Variants in SUGCT observed in about 807,000 individuals in gnomAD.
SUGCT encodes the protein succinyl-CoA:glutarate-CoA transferase.
In SUGCT, 41 loss-of-function variants were observed where a neutral mutation model predicts 55.0. That is an observed-to-expected ratio of 0.74 (90% CI 0.58 to 0.97). The LOEUF is 0.97. Ranked by LOEUF, SUGCT falls within the 50% of genes least tolerant of loss-of-function variation. SUGCT has a pLI of 0.00. For synonymous variants in SUGCT, 187 were observed against 200.4 expected (o/e 0.93, Z 0.56); for missense variants, 568 against 547.8 (o/e 1.04, Z -0.37).
At chr7:40,354,299 T>C (rs1797782528) in intron 9 of SUGCT, among the ~76,000 whole-genome samples, 1 of 152,022 alleles carries the variant, frequency 6.6e-6, no homozygotes, top group East Asian at 1.9e-4. Context: ...CATACAACAG[T>C]GTGGGCAGAG....
chr7:40,462,490 T>A (rs571331410), intron 11 of SUGCT, among the ~76,000 whole-genome samples: 177 of 152,228 alleles, frequency 1.2e-3, no homozygotes, highest in African/African-American at 4.2e-3. Flanking sequence ...TTATTGCAAC[T>A]TTTTTCTAAC....
At chr7:40,984,695 A>G in the SUGCT span, among the ~76,000 whole-genome samples, 4 of 152,196 alleles carry the variant, frequency 2.6e-5, no homozygotes, top group Non-Finnish European at 4.4e-5. Flanking sequence ...CCATTTTACA[A>G]TGGCATTGAG....
intron 9 of SUGCT, among the ~76,000 whole-genome samples, chr7:40,413,421 C>T (rs1786800873): frequency 6.6e-6 from 1 of 152,018 alleles, no homozygotes; most frequent in Admixed American, 6.6e-5. Flanking sequence ...GTCACTTCAT[C>T]CACCAAAATA....
At chr7:40,236,909 A>G (rs1407032481) in intron 6 of SUGCT, among the ~76,000 whole-genome samples, 19 of 152,092 alleles carry the variant, frequency 1.2e-4, no homozygotes, top group Non-Finnish European at 2.6e-4. Flanking sequence ...TCTCAGCTCA[A>G]TGCAACCTCC....
At chr7:40,884,639 G>A in the SUGCT span, among the ~76,000 whole-genome samples, 1 of 152,164 alleles carries the variant, frequency 6.6e-6, no homozygotes, top group African/African-American at 2.4e-5. Flanking sequence ...TGCTGAGAAG[G>A]CAAGAATGGC....
intron 9 of SUGCT, among the ~76,000 whole-genome samples, chr7:40,413,582 CTATT>C (rs1387376688): frequency 6.6e-6 from 1 of 152,158 alleles, no homozygotes; most frequent in African/African-American, 2.4e-5. Context: ...ATAGGTTTAA[CTATT>C]TATTTCTCAC....
intron 11 of SUGCT, among the ~76,000 whole-genome samples, chr7:40,461,764 C>CAAAAA (rs1009803969): frequency 6.6e-6 from 1 of 152,062 alleles, no homozygotes; most frequent in Non-Finnish European, 1.5e-5. Flanking sequence ...CTCATAGCCA[C>CAAAAA]AAAAAAGGAG....
At chr7:40,662,900 G>A (rs1396241124) in intron 12 of SUGCT, among the ~76,000 whole-genome samples, 4 of 152,130 alleles carry the variant, frequency 2.6e-5, no homozygotes, top group Admixed American at 6.5e-5. Flanking sequence ...GATATGTCTA[G>A]TGCCAGGAAC....
chr7:40,934,622 G>T, the SUGCT span, among the ~76,000 whole-genome samples: 3 of 151,900 alleles, frequency 2.0e-5, no homozygotes, highest in South Asian at 2.1e-4. Context: ...TGGCCTCTTT[G>T]TTTACCTACT....
intron 9 of SUGCT, among the ~76,000 whole-genome samples, chr7:40,323,624 C>T (rs769419841): frequency 5.8e-4 from 89 of 152,148 alleles, no homozygotes; most frequent in Admixed American, 1.5e-3. Flanking sequence ...AACTCCTGGA[C>T]TCAAGTGATC....
chr7:40,817,150 T>C lies in SUGCT; in HGVS notation c.1154-43166T>C, dbSNP rs115473475. 6.6e-4 allele frequency among the ~76,000 whole-genome samples: 100 copies of C among 152,296 alleles called. 1 individual carries two copies. The highest frequency in any genetic ancestry group is 2.3e-3 in the African/African-American group (95 of 41,558). On this transcript the variant is annotated intron_variant, in intron 13 of 13. Transcript: ENST00000335693. ...GTGTATGGTACAGGCAATTCTGACT[T>C]TTTACTTATTTATCCACTCAAAAAA...
intron 13 of SUGCT, among the ~76,000 whole-genome samples, chr7:40,764,388 C>T (rs1211405463): frequency 6.6e-6 from 1 of 152,106 alleles, no homozygotes; most frequent in Non-Finnish European, 1.5e-5. Context: ...GCCATCAGGA[C>T]TGACTGCTTA....
intron 12 of SUGCT, among the ~76,000 whole-genome samples, chr7:40,747,573 C>T (rs1384524088): frequency 3.9e-5 from 6 of 152,174 alleles, no homozygotes; most frequent in Non-Finnish European, 7.3e-5. Flanking sequence ...CTTTGGGATG[C>T]TGGCATGAAA....
chr7:40,622,390 C>G (rs535524599), intron 12 of SUGCT, among the ~76,000 whole-genome samples: 1 of 152,276 alleles, frequency 6.6e-6, no homozygotes, highest in African/African-American at 2.4e-5. Context: ...CAGCTTTCAT[C>G]AAGCTCTCAC....
Position 40,444,450 on chromosome 7 carries a change from G to T in SUGCT, c.817-4837G>T, listed in dbSNP as rs534075916. Reference sequence around the variant, plus strand: ...AAGAGGTCCTTCACATCCCTTGTAAGTTGGATTCCTAGGCATTTTATTCTC... The same window carrying T: ...AAGAGGTCCTTCACATCCCTTGTAATTTGGATTCCTAGGCATTTTATTCTC... On this transcript the variant is annotated intron_variant, in intron 9 of 13. Transcript: ENST00000335693. 4.1e-3 allele frequency among the ~76,000 whole-genome samples: 622 copies of T among 152,230 alleles called. 14 individuals are homozygous for T. In the South Asian group the frequency reaches 0.059, roughly 15 times the overall value.
chr7:40,686,391 G>A (rs6977432), intron 12 of SUGCT, among the ~76,000 whole-genome samples: 31,090 of 152,108 alleles, frequency 0.2, 3,317 homozygotes, highest in Non-Finnish European at 0.24. Flanking sequence ...TTAAGTTTAT[G>A]TGTATATATG....
chr7:40,646,425 A>C (rs1800515651), intron 12 of SUGCT, among the ~76,000 whole-genome samples: 1 of 152,216 alleles, frequency 6.6e-6, no homozygotes, highest in Non-Finnish European at 1.5e-5. Context: ...TTCTCAGTGA[A>C]ATTAAAACAA....
intron 9 of SUGCT, among the ~76,000 whole-genome samples, chr7:40,376,392 T>C (rs981909601): frequency 2.0e-5 from 3 of 151,994 alleles, no homozygotes; most frequent in African/African-American, 4.8e-5. Context: ...GTATCTTTTT[T>C]TTTTCTTTTT....
chr7:40,331,402 TCAGA>T (rs1342386279), intron 9 of SUGCT, among the ~76,000 whole-genome samples: 1 of 152,188 alleles, frequency 6.6e-6, no homozygotes, highest in African/African-American at 2.4e-5. Context: ...AGCTTTGGAG[TCAGA>T]CAGACCTTGG....
Sources: allele counts gnomAD v4.1 joint callset (sites outside exome capture counted in the v4.1 genomes callset), GRCh38; gene constraint gnomAD v4.1.1; transcripts MANE v1.5; gene names NCBI Gene and HGNC (gene_info 2026-07-23, HGNC 2026-07-21).